The following SEC31A variants were observed in gnomAD, a reference collection of about 807,000 sequenced individuals.
SEC31A encodes the protein SEC31 homolog A, COPII component, also known as protein transport protein Sec31A.
A neutral mutation model predicts 151.0 loss-of-function variants in SEC31A; 70 were observed. The ratio of observed to expected loss-of-function variants is 0.46; its 90% CI spans 0.38 to 0.57. SEC31A has a LOEUF of 0.57. SEC31A is among the 20% of genes least tolerant of loss of function. The probability of loss-of-function intolerance (pLI) is 0.00; values close to 1 mark genes in which losing one functional copy is unlikely to be tolerated. For synonymous variants in SEC31A, 475 were observed against 505.9 expected (o/e 0.94, Z 0.82); for missense variants, 1,330 against 1,471.2 (o/e 0.90, Z 1.57).
intron 22 of SEC31A, among the ~76,000 whole-genome samples, chr4:82,838,602 CTTCT>C (rs1727982006): frequency 6.6e-6 from 1 of 152,220 alleles, no homozygotes; most frequent in Non-Finnish European, 1.5e-5. Flanking sequence ...TCATGAGAAA[CTTCT>C]TTCTTATTGT....
rs11541628 is a variant in SEC31A, at chr4:82,844,452, C to A, written c.2560G>T (p.Ala854Ser). ...CCTGGAGATGTGGGAAGCTGACCAG[C>A]AGCATTTGGATTAACATTTCCATGC... Reference protein sequence around the residue: ...IMHGNVNPNAAGQLPTSPGHM... With the variant: ...IMHGNVNPNASGQLPTSPGHM... The change falls in exon 21 of 27, where the codon GCT becomes TCT. Residue 854 changes from alanine (A) to serine (S), a missense_variant. Ala to Ser is a moderately conservative substitution (Grantham distance 99). Transcript: ENST00000395310. 36,996 of 1,613,836 alleles carry A rather than the reference C, an allele frequency of 0.023. 486 individuals are homozygous for A. Among genetic ancestry groups the A allele is most frequent in the Non-Finnish European group, 0.027 (31,897 of 1,179,750 alleles).
upstream of SEC31A, among the ~76,000 whole-genome samples, chr4:82,891,918 C>A (rs1209913319): frequency 1.3e-5 from 2 of 152,210 alleles, no homozygotes; most frequent in Non-Finnish European, 2.9e-5. Context: ...TGCTAAATTA[C>A]CAGAAATTGG....
chr4:82,869,391 A>G (rs1736147864), intron 8 of SEC31A, among the ~76,000 whole-genome samples: 1 of 151,786 alleles, frequency 6.6e-6, no homozygotes, highest in South Asian at 2.1e-4. Flanking sequence ...CAGCCTCCCA[A>G]AGTGCTGGGA....
intron 6 of SEC31A, 135 bp downstream of exon 6, chr4:82,874,476 T>G: frequency 1.2e-6 from 1 of 814,602 alleles, no homozygotes. Flanking sequence ...AAACATTCCT[T>G]CTAACATGAC....
intron 22 of SEC31A, among the ~76,000 whole-genome samples, chr4:82,836,034 A>G (rs1727149958): frequency 6.6e-6 from 1 of 152,138 alleles, no homozygotes; most frequent in African/African-American, 2.4e-5. Flanking sequence ...CAAAAAACTA[A>G]ATGTGGAATT....
intron 20 of SEC31A, among the ~76,000 whole-genome samples, chr4:82,845,541 T>C (rs1234410642): frequency 6.6e-6 from 1 of 151,444 alleles, no homozygotes; most frequent in African/African-American, 2.4e-5. Context: ...AAAATCAATA[T>C]GAAAACCTAA....
chr4:82,824,924 AT>A (rs1724195198), intron 24 of SEC31A, among the ~76,000 whole-genome samples: 1 of 152,218 alleles, frequency 6.6e-6, no homozygotes, highest in Admixed American at 6.5e-5. Flanking sequence ...TAGTTGATTA[AT>A]TTAGGTAACA....
intron 21 of SEC31A, chr4:82,842,897 A>G (rs1729241495): frequency 5.8e-6 from 1 of 171,636 alleles, no homozygotes; most frequent in Non-Finnish European, 1.3e-5. Flanking sequence ...CTCCCTCCCA[A>G]TAAGAACTGT....
rs112933804 is a variant in SEC31A, at chr4:82,837,046, C to T, written c.2968+5094G>A. 7.3e-3 allele frequency among the ~76,000 whole-genome samples: 1,102 copies of T among 151,088 alleles called. 14 individuals carry two copies. Among genetic ancestry groups the T allele is most frequent in the Middle Eastern group, 0.01 (3 of 292 alleles). On this transcript the variant is annotated intron_variant, in intron 22 of 26. Transcript: ENST00000395310. ...ATCTCATGTACCTCAAAAACATATACACCCACTATGTACCCCAAAAATTTT... is the reference window on the plus strand; with the variant it reads ...ATCTCATGTACCTCAAAAACATATATACCCACTATGTACCCCAAAAATTTT...
chr4:82,822,536 G>C (rs952166128), intron 25 of SEC31A, among the ~76,000 whole-genome samples: 1 of 152,180 alleles, frequency 6.6e-6, no homozygotes, highest in Non-Finnish European at 1.5e-5. Context: ...GGCCATCAAG[G>C]ATGCTACATA....
chr4:82,854,777 G>C, intron 17 of SEC31A, 126 bp downstream of exon 17: 1 of 915,486 alleles, frequency 1.1e-6, no homozygotes, highest in Non-Finnish European at 1.5e-6. Flanking sequence ...GCACTGAAAT[G>C]AGAATTTTTC....
intron 6 of SEC31A, among the ~76,000 whole-genome samples, chr4:82,873,440 T>G (rs902449457): frequency 8.0e-5 from 12 of 150,828 alleles, no homozygotes; most frequent in African/African-American, 2.9e-4. Flanking sequence ...ATCAGAAAAA[T>G]CAAGGCAAAA....
chr4:82,880,950 T>C (rs1739144640), intron 2 of SEC31A, 28 bp from the exon 3 acceptor site: 1 of 1,559,622 alleles, frequency 6.4e-7, no homozygotes, highest in Non-Finnish European at 8.7e-7. Context: ...ATGGTAACTA[T>C]ACACACAAAA....
At chr4:82,835,023 T>G (rs1578151568) in intron 22 of SEC31A, among the ~76,000 whole-genome samples, 1 of 152,114 alleles carries the variant, frequency 6.6e-6, no homozygotes, top group African/African-American at 2.4e-5. Flanking sequence ...GTTTTGTATA[T>G]TTAGTAGAGA....
Position 82,886,152 on chromosome 4 carries a change from G to A in SEC31A, c.-4-4212C>T, listed in dbSNP as rs572615781. On this transcript the variant is annotated intron_variant, in intron 1 of 26. Transcript: ENST00000395310. ...ATAGAGGAAATATTAACATTTAGAA[G>A]AAACAATAACAAAGCAACCAGCATG... Among the ~76,000 whole-genome samples the A allele has an allele frequency of 4.6e-5, 7 of 152,274 alleles. No homozygotes were observed. The East Asian group carries it at 7.7e-4, about 17-fold the overall frequency.
intron 5 of SEC31A, 91 bp downstream of exon 5, chr4:82,875,636 G>T: frequency 1.4e-6 from 1 of 692,538 alleles, no homozygotes; most frequent in Non-Finnish European, 2.5e-6. Context: ...TATATGTTTT[G>T]TGTGAGAAGC....
chr4:82,884,031 A>G (rs1232818608), intron 1 of SEC31A, among the ~76,000 whole-genome samples: 2 of 125,028 alleles, frequency 1.6e-5, no homozygotes, highest in Non-Finnish European at 3.2e-5. Flanking sequence ...TCTGTCACCC[A>G]GGCTGGAGCA....
At chr4:82,892,480 T>G (rs184008576), upstream of SEC31A, among the ~76,000 whole-genome samples, 5 of 152,378 alleles carry the variant, frequency 3.3e-5, no homozygotes, top group Admixed American at 1.3e-4. Context: ...CTTTCAAATC[T>G]AATCACATCC....
intron 20 of SEC31A, among the ~76,000 whole-genome samples, chr4:82,846,184 T>C (rs976975012): frequency 6.6e-6 from 1 of 151,738 alleles, no homozygotes; most frequent in Non-Finnish European, 1.5e-5. Context: ...TTAGTATTTT[T>C]AGTAGAGACG....
Sources: allele counts gnomAD v4.1 joint callset (sites outside exome capture counted in the v4.1 genomes callset), GRCh38; gene constraint gnomAD v4.1.1; transcripts MANE v1.5; gene names NCBI Gene and HGNC (gene_info 2026-07-23, HGNC 2026-07-21).